Variants in POU2F2 observed in about 807,000 individuals in gnomAD.
POU2F2 encodes the protein POU domain, class 2, transcription factor 2.
Under a neutral mutation model 63.5 loss-of-function variants are expected in POU2F2, and 14 were observed. The ratio of observed to expected loss-of-function variants is 0.22; its 90% CI spans 0.15 to 0.34. POU2F2 has a LOEUF of 0.34. POU2F2 is among the 10% of genes least tolerant of loss of function. The pLI is 1.00. For synonymous variants in POU2F2, 306 were observed against 348.6 expected (o/e 0.88, Z 1.36); for missense variants, 607 against 815.2 (o/e 0.74, Z 3.11).
chr19:42,099,505 T>G (rs2146362115), intron 7 of POU2F2, 22 bp downstream of exon 7: 1 of 1,580,404 alleles, frequency 6.3e-7, no homozygotes, highest in Non-Finnish European at 8.7e-7. Context: ...CCTGGCCTGG[T>G]GCACTCAATG....
At chr19:42,119,317 C>G (rs1028226494) in intron 4 of POU2F2, among the ~76,000 whole-genome samples, 1 of 152,086 alleles carries the variant, frequency 6.6e-6, no homozygotes, top group African/African-American at 2.4e-5. Context: ...TCTGAAAGTT[C>G]ACAGAGTCAT....
intron 1 of POU2F2, among the ~76,000 whole-genome samples, chr19:42,165,835 C>T (rs986738707): frequency 3.9e-5 from 6 of 152,158 alleles, no homozygotes; most frequent in Non-Finnish European, 7.3e-5. Context: ...GCCATAAATG[C>T]TGTGAGTAGT....
chr19:42,100,974 T>C (rs2077116030), intron 5 of POU2F2, among the ~76,000 whole-genome samples: 1 of 150,974 alleles, frequency 6.6e-6, no homozygotes, highest in Non-Finnish European at 1.5e-5. Flanking sequence ...TGGCACACAC[T>C]TGTAGTCCCA....
chr19:42,194,348 C>T (rs1011718307), intron 1 of POU2F2, among the ~76,000 whole-genome samples: 4 of 151,940 alleles, frequency 2.6e-5, no homozygotes, highest in African/African-American at 4.8e-5. Context: ...TGCCACTGCA[C>T]TCCATTCTGG....
In POU2F2 at chr19:42,095,936, C is replaced by A; in HGVS notation, c.730-7G>T. The A allele has an allele frequency of 6.2e-7, 1 of 1,612,208 alleles. No individual in the cohort carries two copies. The highest frequency in any genetic ancestry group is 8.5e-7 in the Non-Finnish European group (1 of 1,178,924). ...TGGCCAGGCCCACATCACCCTGGGC[C>A]AGTGGGGCGGGGAAGGGCCCGAAGT... On this transcript the variant is annotated splice_region_variant and splice_polypyrimidine_tract_variant and intron_variant, in intron 8 of 14. Coordinates refer to ENST00000692977, the MANE Select transcript of POU2F2 (RefSeq NM_001394376.1). This position sits in a 1 kb window ranked among gnomAD's most constrained non-coding sequence, Gnocchi z 7.1.
intron 4 of POU2F2, 139 bp downstream of exon 4, chr19:42,121,987 G>T: frequency 3.4e-6 from 3 of 891,126 alleles, no homozygotes; most frequent in Non-Finnish European, 5.4e-6. Context: ...GGGAGCCCAA[G>T]AGTGAGAAGG....
At chr19:42,165,451 T>TG (rs1334115367) in intron 1 of POU2F2, among the ~76,000 whole-genome samples, 1 of 152,226 alleles carries the variant, frequency 6.6e-6, no homozygotes, top group Non-Finnish European at 1.5e-5. Context: ...CAACTGGTCA[T>TG]GACACAGCTG....
In POU2F2 at chr19:42,096,896, T is replaced by C. The variant is rs941748415; in HGVS notation, c.568-653A>G. ...AGCTGTGCATGTGTAGGGGCAGAGA[T>C]AGATGGGATATCTCTATATCTTCCA... On this transcript the variant is annotated intron_variant, in intron 7 of 14. Transcript: ENST00000692977. The surrounding 1 kb of genome is among the most constrained non-coding windows in gnomAD (Gnocchi z 4.1). Among the ~76,000 whole-genome samples the C allele has an allele frequency of 4.6e-5, 7 of 152,112 alleles. No homozygotes were observed. The highest frequency in any genetic ancestry group is 1.7e-4 in the African/African-American group (7 of 41,412).
intron 5 of POU2F2, among the ~76,000 whole-genome samples, chr19:42,108,618 A>AG (rs1272341835): frequency 6.6e-6 from 1 of 152,196 alleles, no homozygotes; most frequent in Non-Finnish European, 1.5e-5. Context: ...AGAGAAGACA[A>AG]GATTCTGGGT....
chr19:42,173,176 T>C (rs2034804434), intron 1 of POU2F2, among the ~76,000 whole-genome samples: 1 of 152,150 alleles, frequency 6.6e-6, no homozygotes, highest in South Asian at 2.1e-4. Flanking sequence ...TAGACATCCA[T>C]CTGAGGAGGC....
chr19:42,176,069 GAGAGA>G (rs200644036), upstream of POU2F2: 7,105 of 127,988 alleles, frequency 0.056, 538 homozygotes, highest in African/African-American at 0.17. Flanking sequence ...TCCAGGAAAA[GAGAGA>G]GAGAGAGAAA....
chr19:42,151,351 C>G (rs1227211478), intron 2 of POU2F2, among the ~76,000 whole-genome samples: 1 of 152,082 alleles, frequency 6.6e-6, no homozygotes, highest in East Asian at 1.9e-4. Context: ...CTGCCCTCCC[C>G]CTCGGGTCAA....
At chr19:42,193,761 A>G (rs2035099205) in intron 1 of POU2F2, among the ~76,000 whole-genome samples, 1 of 152,260 alleles carries the variant, frequency 6.6e-6, no homozygotes, top group Non-Finnish European at 1.5e-5. Context: ...ATTTCCAGGT[A>G]TATCCCTATA....
At chr19:42,103,473 G>A (rs1349494529) in intron 5 of POU2F2, among the ~76,000 whole-genome samples, 1 of 152,108 alleles carries the variant, frequency 6.6e-6, no homozygotes, top group Admixed American at 6.6e-5. Context: ...GCTATAACAT[G>A]TTACTTACAA....
Position 42,117,387 on chromosome 19 carries a change from G to A in POU2F2, c.232C>T (p.Pro78Ser). ...GLHLTFWGPG[P>S]CLSPPQIKAE... ...TTGATCTGGGGGGGAGAGAGGCAGGGTCCGGGACCCCAGAATGTTAAGTGG... is the reference window on the plus strand; with the variant it reads ...TTGATCTGGGGGGGAGAGAGGCAGGATCCGGGACCCCAGAATGTTAAGTGG... Residue 78 changes from proline (P) to serine (S), a missense_variant, in exon 5 of 15, where the codon CCC (proline) becomes TCC (serine). Around this residue, in one of 7 missense-constraint regions of POU2F2, gnomAD observed 224 missense variants for 264.3 expected, o/e 0.85. Coordinates refer to ENST00000692977, the MANE Select transcript of POU2F2 (RefSeq NM_001394376.1). This position sits in a 1 kb window ranked among gnomAD's most constrained non-coding sequence, Gnocchi z 4.4. 6.7e-7 allele frequency: 1 copy of A among 1,501,026 alleles called. No homozygotes were observed. The highest frequency in any genetic ancestry group is 9.0e-7 in the Non-Finnish European group (1 of 1,112,370). The allele number at this position is 1,501,026 out of a possible 1,614,324, so 93.0% of individuals were successfully genotyped here.
chr19:42,164,164 C>T (rs1021168593), intron 1 of POU2F2, among the ~76,000 whole-genome samples: 5 of 151,946 alleles, frequency 3.3e-5, no homozygotes, highest in African/African-American at 1.2e-4. Flanking sequence ...TGTGGTGGTG[C>T]GCCTGTAATC....
intron 1 of POU2F2, among the ~76,000 whole-genome samples, chr19:42,182,775 G>A (rs2034976624): frequency 6.6e-6 from 1 of 152,154 alleles, no homozygotes; most frequent in African/African-American, 2.4e-5. Context: ...GAGATGTGGA[G>A]TCATCTGAAG....
chr19:42,195,397 A>G (rs2035131612), intron 1 of POU2F2, among the ~76,000 whole-genome samples: 1 of 145,016 alleles, frequency 6.9e-6, no homozygotes, highest in African/African-American at 2.6e-5. Flanking sequence ...CAGTGGCGCA[A>G]TCTCGGCTCA....
chr19:42,145,525 G>A (rs2034212743), intron 2 of POU2F2, among the ~76,000 whole-genome samples: 1 of 152,246 alleles, frequency 6.6e-6, no homozygotes, highest in South Asian at 2.1e-4. Flanking sequence ...CAAACTCTGA[G>A]CTCTGGACAT....
Sources: allele counts gnomAD v4.1 joint callset (sites outside exome capture counted in the v4.1 genomes callset), GRCh38; gene constraint gnomAD v4.1.1; regional missense constraint gnomAD v4.1.1; non-coding constraint Gnocchi (gnomAD v3.1); transcripts MANE v1.5; gene names NCBI Gene and HGNC (gene_info 2026-07-23, HGNC 2026-07-21).